The following RHOD variants were observed in gnomAD, a reference collection of about 807,000 sequenced individuals.
RHOD encodes the protein ras homolog family member D, also known as rho-related GTP-binding protein RhoD.
RHOD carries 11 observed loss-of-function variants against 16.7 expected under a neutral mutation model. The observed-to-expected ratio is 0.66, with a 90% confidence interval of 0.41 to 1.09. The LOEUF is 1.09. RHOD is among the 50% of genes least tolerant of loss of function. RHOD has a pLI of 0.00. For synonymous variants in RHOD, 124 were observed against 126.3 expected (o/e 0.98, Z 0.12); for missense variants, 271 against 291.7 (o/e 0.93, Z 0.52).
intron 1 of RHOD, among the ~76,000 whole-genome samples, chr11:67,063,889 C>T (rs1391625875): frequency 1.3e-5 from 2 of 149,338 alleles, no homozygotes; most frequent in Admixed American, 6.8e-5. Context: ...GGGCAGATCA[C>T]GAGGTCAGGA....
Position 67,056,856 on chromosome 11 carries a change from C to A in RHOD, c.-47C>A. On this transcript the variant is annotated 5_prime_UTR_variant, in exon 1 of 5. Transcript: ENST00000308831. Reference sequence around the variant, plus strand: ...CGGGCCTGCCCCGCGCAGTCTGGGTCTCTGCGCCGCAGCCGCCCGCCCGCC... The same window carrying A: ...CGGGCCTGCCCCGCGCAGTCTGGGTATCTGCGCCGCAGCCGCCCGCCCGCC... The A allele has an allele frequency of 7.4e-7, 1 of 1,351,190 alleles. No individual in the cohort carries two copies. The allele number at this position is 1,351,190 out of a possible 1,614,324, so 83.7% of individuals were successfully genotyped here.
intron 3 of RHOD, chr11:67,070,142 TCCAGCCAAGG>T: frequency 2.1e-6 from 1 of 475,972 alleles, no homozygotes; most frequent in Non-Finnish European, 4.0e-6. Context: ...TCCTGCCATT[TCCAGCCAAGG>T]CCAAGTTACA....
intron 1 of RHOD, among the ~76,000 whole-genome samples, chr11:67,059,794 CT>C (rs1733943739): frequency 6.6e-6 from 1 of 152,212 alleles, no homozygotes; most frequent in African/African-American, 2.4e-5. Context: ...CCTCCTGCCC[CT>C]GTCCCTAGCA....
rs752331829 is a variant in RHOD at position 67,070,244 on chromosome 11, G to T, written c.331-181G>T. 6.7e-5 allele frequency: 48 copies of T among 718,002 alleles called. No homozygotes were observed. In the Admixed American group the frequency reaches 9.7e-4, roughly 15 times the overall value. The allele number at this position is 718,002 out of a possible 1,614,324, so 44.5% of individuals were successfully genotyped here. A position where few individuals can be genotyped will look rare whatever the true frequency, so the allele number is the denominator to read the frequency against. On this transcript the variant is annotated intron_variant, in intron 3 of 4. Transcript: ENST00000308831. ...CTGCCACGGCCTCGGGGAATTAATG[G>T]GTCCATACGTGTAAATTCTTAGATG...
intron 1 of RHOD, among the ~76,000 whole-genome samples, chr11:67,059,492 G>A (rs573173985): frequency 2.0e-5 from 3 of 152,030 alleles, no homozygotes; most frequent in Non-Finnish European, 4.4e-5. Flanking sequence ...GCAGTGAACC[G>A]AGATCGCGCC....
chr11:67,062,708 G>A (rs139295150), intron 1 of RHOD, among the ~76,000 whole-genome samples: 1 of 152,314 alleles, frequency 6.6e-6, no homozygotes, highest in African/African-American at 2.4e-5. Context: ...GAGGGCCAGC[G>A]GGCAGGCAGG....
chr11:67,066,012 G>GGGGGGGGGGGC, intron 2 of RHOD, 29 bp downstream of exon 2: 1 of 581,438 alleles, frequency 1.7e-6, no homozygotes, highest in Non-Finnish European at 3.4e-6. Flanking sequence ...GGCAGGGTGG[G>GGGGGGGGGGGC]AGGGGCTTCT....
At chr11:67,061,879 GTAATCCCA>G (rs1854895531) in intron 1 of RHOD, among the ~76,000 whole-genome samples, 1 of 148,298 alleles carries the variant, frequency 6.7e-6, no homozygotes, top group Admixed American at 6.9e-5. Flanking sequence ...TGACACACCT[GTAATCCCA>G]GCTACTCAGG....
At chr11:67,067,868 C>T (rs1479944902) in intron 3 of RHOD, among the ~76,000 whole-genome samples, 4 of 152,258 alleles carry the variant, frequency 2.6e-5, no homozygotes, top group Admixed American at 6.5e-5. Flanking sequence ...GGCGCCATCT[C>T]GGCTCACTAC....
rs1855035946 is a variant in RHOD, at chr11:67,071,806, C to T, written c.*204C>T. On this transcript the variant is annotated 3_prime_UTR_variant, in exon 5 of 5. Transcript: ENST00000308831. Reference sequence around the variant, plus strand: ...CCACCTGCTCTGTGTAGGGCTCGTCCTGCGGTGCCCGAGAATCACTCGCTA... The same window carrying T: ...CCACCTGCTCTGTGTAGGGCTCGTCTTGCGGTGCCCGAGAATCACTCGCTA... 2.0e-6 allele frequency: 1 copy of T among 512,730 alleles called. No individual in the cohort carries two copies. The highest frequency in any genetic ancestry group is 3.4e-6 in the Non-Finnish European group (1 of 297,582). The allele number at this position is 512,730 out of a possible 1,614,324, so 31.8% of individuals were successfully genotyped here.
At chr11:67,069,400 C>G (rs1854997213) in intron 3 of RHOD, among the ~76,000 whole-genome samples, 1 of 152,162 alleles carries the variant, frequency 6.6e-6, no homozygotes, top group Non-Finnish European at 1.5e-5. Context: ...ACTCTGTAGC[C>G]CAGGCTGGAG....
At chr11:67,061,632 C>CA (rs56111361) in intron 1 of RHOD, among the ~76,000 whole-genome samples, 1,401 of 90,698 alleles carry the variant, frequency 0.015, 11 homozygotes, top group Middle Eastern at 0.021. Context: ...AACTCTGTCT[C>CA]AAAAAAAAAA....
Position 67,066,654 on chromosome 11 carries a change from C to CT in RHOD, c.221-83dup, listed in dbSNP as rs1854961876. On this transcript the variant is annotated intron_variant, in intron 2 of 4. Coordinates refer to ENST00000308831, the MANE Select transcript of RHOD (RefSeq NM_014578.4). Reference sequence around the variant, plus strand: ...GGCCCTGTCCCCAGAAGCTCCCCATCTGATGAGGTGACCTCCTGACATTGG... The same window carrying CT: ...GGCCCTGTCCCCAGAAGCTCCCCATCTTGATGAGGTGACCTCCTGACATTGG... 9.8e-6 allele frequency: 9 copies of CT among 921,546 alleles called. No homozygotes were observed. In the South Asian group the frequency reaches 1.1e-4, roughly 11 times the overall value. 57.1% of individuals were successfully genotyped at this position (921,546 alleles called of 1,614,324 possible). A position where few individuals can be genotyped will look rare whatever the true frequency, so the allele number is the denominator to read the frequency against.
intron 1 of RHOD, among the ~76,000 whole-genome samples, chr11:67,063,527 G>A (rs1854917812): frequency 6.8e-6 from 1 of 147,012 alleles, no homozygotes; most frequent in South Asian, 2.2e-4. Context: ...GCCAGGCGTG[G>A]TGGCTCATGC....
chr11:67,068,793 C>T (rs993009652), intron 3 of RHOD, among the ~76,000 whole-genome samples: 8 of 151,610 alleles, frequency 5.3e-5, no homozygotes, highest in Admixed American at 3.9e-4. Context: ...GGCGACAGAG[C>T]GGGACTGTCT....
intron 1 of RHOD, among the ~76,000 whole-genome samples, chr11:67,057,687 C>T (rs1463196813): frequency 2.0e-5 from 3 of 152,370 alleles, no homozygotes; most frequent in East Asian, 1.9e-4. Flanking sequence ...TCTCTGCTCT[C>T]CTCTGAGCCC....
intron 1 of RHOD, among the ~76,000 whole-genome samples, chr11:67,060,479 G>A (rs1854872722): frequency 6.6e-6 from 1 of 152,224 alleles, no homozygotes; most frequent in Non-Finnish European, 1.5e-5. Flanking sequence ...GACGTCCCGA[G>A]TGGGGGAAAG....
At chr11:67,070,395 C>T in intron 3 of RHOD, 30 bp from the exon 4 acceptor site, 3 of 1,607,596 alleles carry the variant, frequency 1.9e-6, no homozygotes, top group Non-Finnish European at 2.6e-6. Context: ...CTCACACATG[C>T]CCCCCACATG....
intron 1 of RHOD, 69 bp downstream of exon 1, chr11:67,057,103 G>A: frequency 7.5e-7 from 1 of 1,335,286 alleles, no homozygotes; most frequent in South Asian, 1.9e-5. Context: ...CCGTGCCGGA[G>A]CGGCCCAGGC....
Sources: gnomAD v4.1 joint callset for allele counts (sites outside exome capture counted in the v4.1 genomes callset) on GRCh38, gnomAD v4.1.1 for gene constraint, MANE v1.5 for transcripts, NCBI Gene and HGNC (gene_info 2026-07-23, HGNC 2026-07-21) for gene names.